Variants in PDIA5 observed in about 807,000 individuals in gnomAD.
PDIA5 encodes the protein protein disulfide-isomerase A5.
Under a neutral mutation model 77.6 loss-of-function variants are expected in PDIA5, and 58 were observed. The observed-to-expected ratio is 0.75, with a 90% CI of 0.61 to 0.93. PDIA5 has a LOEUF of 0.93. Ranked by LOEUF, PDIA5 falls within the 40% of genes least tolerant of loss-of-function variation. PDIA5 has a pLI of 0.00. For missense variants in PDIA5, 630 were observed against 647.7 expected, an observed-to-expected ratio of 0.97 and a Z score of 0.30; for synonymous variants, 250 against 252.1, an observed-to-expected ratio of 0.99 and a Z score of 0.08.
chr3:123,102,301 G>A, intron 3 of PDIA5, 110 bp from the exon 4 acceptor site: 1 of 792,910 alleles, frequency 1.3e-6, no homozygotes, highest in Non-Finnish European at 2.2e-6. Context: ...ATCTGCTATT[G>A]AGAATTCCAA....
chr3:123,098,411 G>A (rs1934501036), intron 3 of PDIA5, among the ~76,000 whole-genome samples: 1 of 152,122 alleles, frequency 6.6e-6, no homozygotes, highest in South Asian at 2.1e-4. Flanking sequence ...CTGACTCCCA[G>A]GAGTGTGTCT....
chr3:123,148,098 G>C (rs78613098), intron 13 of PDIA5, among the ~76,000 whole-genome samples: 8,861 of 152,250 alleles, frequency 0.058, 358 homozygotes, highest in Non-Finnish European at 0.092. Context: ...ATGGGCTTTG[G>C]AGTCTGAGAG....
At chr3:123,113,716 G>A (rs1049085377) in intron 7 of PDIA5, among the ~76,000 whole-genome samples, 5 of 152,178 alleles carry the variant, frequency 3.3e-5, no homozygotes, top group Non-Finnish European at 7.3e-5. Flanking sequence ...CCCTAACTGG[G>A]ACGTCTGTTA....
rs1576427660 is a variant in PDIA5, at chr3:123,067,419, G to A, written c.42+213G>A. ...GCCGCCAAGCGCTCCCGGACGCAGG[G>A]GCAGGAGGCAGCTGTGGGGCGCCGG... is the stretch of plus-strand genomic sequence containing the variant. On this transcript the variant is annotated intron_variant, in intron 1 of 16. Transcript: ENST00000316218. 9.6e-6 allele frequency: 4 copies of A among 415,930 alleles called. No homozygotes were observed. In the East Asian group the frequency reaches 1.1e-4, roughly 11 times the overall value. The allele number at this position is 415,930 out of a possible 1,614,324, so 25.8% of individuals were successfully genotyped here. A position where few individuals can be genotyped will look rare whatever the true frequency, so the allele number is the denominator to read the frequency against.
chr3:123,069,326 A>G (rs1365481523), intron 1 of PDIA5, among the ~76,000 whole-genome samples: 3 of 152,222 alleles, frequency 2.0e-5, no homozygotes, highest in South Asian at 4.1e-4. Context: ...GGATTCGTGT[A>G]CAGGGATATA....
chr3:123,120,970 C>T (rs1033312696), intron 8 of PDIA5, among the ~76,000 whole-genome samples: 1 of 152,192 alleles, frequency 6.6e-6, no homozygotes, highest in Non-Finnish European at 1.5e-5. Context: ...CTTTCTGCTT[C>T]GAGAGATACA....
chr3:123,089,644 C>T (rs926321332), intron 2 of PDIA5, among the ~76,000 whole-genome samples: 4 of 152,236 alleles, frequency 2.6e-5, no homozygotes, highest in East Asian at 1.9e-4. Flanking sequence ...GGCATGGGGC[C>T]GAGCCCTGCC....
At chr3:123,108,220 T>G (rs1934780967) in intron 6 of PDIA5, among the ~76,000 whole-genome samples, 2 of 151,916 alleles carry the variant, frequency 1.3e-5, no homozygotes, top group Non-Finnish European at 2.9e-5. Context: ...TGATTCAAAT[T>G]AAGGACTGGG....
intron 8 of PDIA5, 50 bp from the exon 9 acceptor site, chr3:123,124,016 G>T (rs1462123958): frequency 1.7e-6 from 2 of 1,159,400 alleles, no homozygotes; most frequent in South Asian, 2.4e-5. Flanking sequence ...TGGACTAGAG[G>T]GTGTCTGTGG....
At chr3:123,092,496 G>T (rs1235609720) in intron 3 of PDIA5, 54 bp downstream of exon 3, 4 of 1,277,584 alleles carry the variant, frequency 3.1e-6, no homozygotes, top group Non-Finnish European at 4.6e-6. Flanking sequence ...GGCACTTGGG[G>T]CTTTGATTGG....
chr3:123,078,592 T>C (rs1209046474), intron 1 of PDIA5, among the ~76,000 whole-genome samples: 1 of 152,224 alleles, frequency 6.6e-6, no homozygotes, highest in Non-Finnish European at 1.5e-5. Context: ...TATATGATGT[T>C]CCTTTGCCCC....
At chr3:123,097,126 A>G (rs1053755116) in intron 3 of PDIA5, among the ~76,000 whole-genome samples, 3 of 152,222 alleles carry the variant, frequency 2.0e-5, no homozygotes, top group African/African-American at 4.8e-5. Context: ...CAGGCATAAC[A>G]TATTTTAAAG....
chr3:123,146,382 C>G, intron 13 of PDIA5, 123 bp downstream of exon 13: 1 of 790,164 alleles, frequency 1.3e-6, no homozygotes, highest in South Asian at 1.8e-5. Context: ...GGAGTCAAGA[C>G]GGATCTGACT....
intron 1 of PDIA5, among the ~76,000 whole-genome samples, chr3:123,073,558 A>G (rs1933780776): frequency 6.6e-6 from 1 of 152,148 alleles, no homozygotes; most frequent in Non-Finnish European, 1.5e-5. Flanking sequence ...GCCTCTTTCC[A>G]CATACCAGTT....
At chr3:123,150,430 A>T in intron 14 of PDIA5, 66 bp downstream of exon 14, 1 of 1,491,754 alleles carries the variant, frequency 6.7e-7, no homozygotes, top group Non-Finnish European at 9.1e-7. Flanking sequence ...AACCAAAAAG[A>T]CCCGCACACC....
At chr3:123,102,630 TTA>T in intron 4 of PDIA5, 119 bp from the exon 5 acceptor site, 3 of 1,045,848 alleles carry the variant, frequency 2.9e-6, no homozygotes, top group Non-Finnish European at 4.3e-6. Flanking sequence ...ATTATTTCTT[TTA>T]AAAAAAAATC....
intron 10 of PDIA5, among the ~76,000 whole-genome samples, chr3:123,128,016 A>T (rs1378875911): frequency 1.3e-5 from 2 of 152,140 alleles, no homozygotes; most frequent in East Asian, 3.9e-4. Flanking sequence ...TCAGACTCTC[A>T]CTCAGTCCCT....
chr3:123,138,453 A>G (rs1025949927), intron 11 of PDIA5, among the ~76,000 whole-genome samples: 3 of 152,198 alleles, frequency 2.0e-5, no homozygotes, highest in Admixed American at 6.5e-5. Flanking sequence ...GTTGTTTACC[A>G]TATTTCCCAT....
chr3:123,110,142 G>A (rs977896167), intron 6 of PDIA5, among the ~76,000 whole-genome samples: 1 of 152,122 alleles, frequency 6.6e-6, no homozygotes, highest in East Asian at 1.9e-4. Flanking sequence ...TCCATCATTG[G>A]CTCTCATTGG....
Sources: gnomAD v4.1 joint callset for allele counts (sites outside exome capture counted in the v4.1 genomes callset) on GRCh38, gnomAD v4.1.1 for gene constraint, MANE v1.5 for transcripts, NCBI Gene and HGNC (gene_info 2026-07-23, HGNC 2026-07-21) for gene names.